NTM: variants seen among roughly 807,000 people sequenced by gnomAD.
The protein encoded by NTM is neurotrimin.
Under a neutral mutation model 42.1 loss-of-function variants are expected in NTM, and 13 were observed. The observed-to-expected ratio is 0.31, with a 90% CI of 0.20 to 0.49. The LOEUF is 0.49. Among genes scored for constraint, NTM ranks in the 20% least tolerant of loss-of-function variants. The pLI, the probability that NTM is intolerant of heterozygous loss-of-function variation, is 0.99. For missense variants in NTM, 373 were observed against 452.8 expected, an observed-to-expected ratio of 0.82 and a Z score of 1.60; for synonymous variants, 187 against 179.2, an observed-to-expected ratio of 1.04 and a Z score of -0.35.
intron 1 of NTM, among the ~76,000 whole-genome samples, chr11:131,650,054 CA>C (rs1437627935): frequency 6.6e-6 from 1 of 152,204 alleles, no homozygotes; most frequent in African/African-American, 2.4e-5. Flanking sequence ...TCACCCTTCT[CA>C]CTGCCTCTGG....
At chr11:131,858,259 T>G (rs2046298958) in intron 1 of NTM, among the ~76,000 whole-genome samples, 1 of 152,198 alleles carries the variant, frequency 6.6e-6, no homozygotes, top group African/African-American at 2.4e-5. Flanking sequence ...GAAGCTTCTA[T>G]GAATAGGCCA....
intron 1 of NTM, among the ~76,000 whole-genome samples, chr11:131,407,173 T>A (rs995310704): frequency 1.3e-5 from 2 of 152,300 alleles, no homozygotes; most frequent in East Asian, 3.9e-4. Flanking sequence ...GTCCAGAGAA[T>A]ATAGTTACAA....
chr11:131,391,811 A>T (rs991448487), intron 1 of NTM, among the ~76,000 whole-genome samples: 2 of 152,144 alleles, frequency 1.3e-5, no homozygotes, highest in African/African-American at 4.8e-5. Flanking sequence ...CAAGATGAAT[A>T]TGTCAGATTT....
chr11:132,157,447 C>T (rs2073421621), intron 3 of NTM, among the ~76,000 whole-genome samples: 1 of 152,124 alleles, frequency 6.6e-6, no homozygotes, highest in Non-Finnish European at 1.5e-5. Context: ...CATTTCAAAA[C>T]TAAGATGATA....
chr11:132,111,912 C>T (rs1232733119), intron 2 of NTM, among the ~76,000 whole-genome samples: 1 of 152,228 alleles, frequency 6.6e-6, no homozygotes, highest in Non-Finnish European at 1.5e-5. Flanking sequence ...GTGCTTGAGG[C>T]AGAAGGAAAC....
At chr11:131,898,782 C>A (rs2052678045) in intron 1 of NTM, among the ~76,000 whole-genome samples, 1 of 152,196 alleles carries the variant, frequency 6.6e-6, no homozygotes, top group Non-Finnish European at 1.5e-5. Flanking sequence ...GTTTTTCAAT[C>A]TCTTGGGCTC....
At chr11:131,400,136 C>T (rs180914977) in intron 1 of NTM, among the ~76,000 whole-genome samples, 10 of 152,020 alleles carry the variant, frequency 6.6e-5, no homozygotes, top group East Asian at 3.9e-4. Flanking sequence ...ATAAGGAAGC[C>T]GAGAAGGGCC....
At chr11:131,692,614 T>G (rs530495195) in intron 1 of NTM, among the ~76,000 whole-genome samples, 2 of 152,254 alleles carry the variant, frequency 1.3e-5, no homozygotes, top group Non-Finnish European at 2.9e-5. Context: ...TTTTGGCATC[T>G]GGGCCAAGAA....
chr11:132,079,470 G>A lies in NTM; in HGVS notation c.168-66812G>A, dbSNP rs756571332. ...ATTTCCAGTTGCTCCTGTTACCATC[G>A]TTGTTAAGGATGATGTTGATGCTAT... On this transcript the variant is annotated intron_variant, in intron 2 of 8. Coordinates refer to ENST00000683400, the MANE Select transcript of NTM (RefSeq NM_001352005.2). 3.9e-5 allele frequency among the ~76,000 whole-genome samples: 6 copies of A among 152,170 alleles called. 1 individual carries two copies. The East Asian group carries it at 9.6e-4, about 24-fold the overall frequency.
At chr11:131,623,098 C>G (rs529127783) in intron 1 of NTM, among the ~76,000 whole-genome samples, 2 of 152,356 alleles carry the variant, frequency 1.3e-5, no homozygotes, top group South Asian at 4.1e-4. Context: ...AGGGGCTTCT[C>G]TATACCGGAG....
Position 131,524,676 on chromosome 11 carries a change from C to T in NTM, c.82+153788C>T, listed in dbSNP as rs139572574. ...GTCTGAGACTGGGTTTTCCAGGAGA[C>T]AGAATCTGAGACGTAATTTAGCAAA... On this transcript the variant is annotated intron_variant, in intron 1 of 8. Transcript: ENST00000683400. Among the ~76,000 whole-genome samples the T allele has an allele frequency of 5.3e-5, 8 of 152,294 alleles. No individual in the cohort carries two copies. In the East Asian group the frequency reaches 1.5e-3, roughly 29 times the overall value.
intron 1 of NTM, among the ~76,000 whole-genome samples, chr11:131,600,514 A>G (rs1338694552): frequency 6.6e-6 from 1 of 152,236 alleles, no homozygotes; most frequent in Non-Finnish European, 1.5e-5. Context: ...CAGGTTTCAC[A>G]AGCATTTTAA....
chr11:131,590,992 G>C (rs78420587), intron 1 of NTM, among the ~76,000 whole-genome samples: 2 of 152,118 alleles, frequency 1.3e-5, no homozygotes, highest in Non-Finnish European at 2.9e-5. Flanking sequence ...GAAGGGCTCC[G>C]GGTAACCTGA....
At chr11:132,155,654 C>T (rs1324516290) in intron 3 of NTM, among the ~76,000 whole-genome samples, 1 of 152,174 alleles carries the variant, frequency 6.6e-6, no homozygotes, top group Non-Finnish European at 1.5e-5. Flanking sequence ...GTGTTCTTAT[C>T]GTCCTAAAAC....
At chr11:131,424,873 T>TA (rs1298244644) in intron 1 of NTM, among the ~76,000 whole-genome samples, 6 of 146,768 alleles carry the variant, frequency 4.1e-5, no homozygotes, top group Non-Finnish European at 9.0e-5. Flanking sequence ...CCAGCTTTTT[T>TA]TTTTTTTATT....
chr11:131,670,337 CTTT>C (rs2069918035), intron 1 of NTM, among the ~76,000 whole-genome samples: 2 of 152,108 alleles, frequency 1.3e-5, no homozygotes, highest in African/African-American at 4.8e-5. Context: ...TTCTTTCTTT[CTTT>C]CTCTCCCTCT....
intron 7 of NTM, among the ~76,000 whole-genome samples, chr11:132,320,575 G>A (rs1451730502): frequency 1.3e-5 from 2 of 152,178 alleles, no homozygotes; most frequent in Non-Finnish European, 2.9e-5. Context: ...ACATCAAACT[G>A]CAAGGTGGCA....
At chr11:131,752,212 T>C (rs898976866) in intron 1 of NTM, among the ~76,000 whole-genome samples, 1 of 151,976 alleles carries the variant, frequency 6.6e-6, no homozygotes, top group African/African-American at 2.4e-5. Context: ...TTTAACCCCA[T>C]CAAAAAGTGG....
intron 1 of NTM, among the ~76,000 whole-genome samples, chr11:131,612,942 C>G (rs1347170762): frequency 6.6e-6 from 1 of 152,176 alleles, no homozygotes; most frequent in Admixed American, 6.5e-5. Context: ...CACAGTGCAG[C>G]CTCCCCTCAT....
Sources: gnomAD v4.1 joint callset for allele counts (sites outside exome capture counted in the v4.1 genomes callset) on GRCh38, gnomAD v4.1.1 for gene constraint, MANE v1.5 for transcripts, NCBI Gene and HGNC (gene_info 2026-07-23, HGNC 2026-07-21) for gene names.